Variants in CDIN1 observed in about 807,000 individuals in gnomAD.
The protein encoded by CDIN1 is CDAN1-interacting nuclease 1.
In CDIN1, 33 loss-of-function variants were observed where a neutral mutation model predicts 45.3. The observed-to-expected ratio is 0.73, with a 90% CI of 0.55 to 0.97. CDIN1 has a LOEUF of 0.97. CDIN1 is among the 50% of genes least tolerant of loss of function. The pLI is 0.00. For missense variants in CDIN1, 303 were observed against 339.4 expected (o/e 0.89, Z 0.84); for synonymous variants, 118 against 124.4 (o/e 0.95, Z 0.34).
At chr15:36,628,663 G>C (rs933492407) in intron 1 of CDIN1, among the ~76,000 whole-genome samples, 1 of 152,108 alleles carries the variant, frequency 6.6e-6, no homozygotes, top group African/African-American at 2.4e-5. Flanking sequence ...GGGGATGCTG[G>C]GATGGGGCAA....
intron 10 of CDIN1, among the ~76,000 whole-genome samples, chr15:36,785,411 C>CGGTT (rs770968450): frequency 7.9e-5 from 12 of 151,892 alleles, no homozygotes; most frequent in Admixed American, 5.9e-4. Flanking sequence ...AGTTGAAAAG[C>CGGTT]GGTTGGATAA....
chr15:36,580,473 G>T (rs1325646085), intron 1 of CDIN1, among the ~76,000 whole-genome samples: 1 of 152,208 alleles, frequency 6.6e-6, no homozygotes, highest in Non-Finnish European at 1.5e-5. Context: ...TCCAATCAGA[G>T]AGCAGGGTAC....
At chr15:36,669,029 A>C (rs1047138627) in intron 5 of CDIN1, 2 of 152,014 alleles carry the variant, frequency 1.3e-5, no homozygotes, top group African/African-American at 4.8e-5. Flanking sequence ...GGTACTCTTG[A>C]ATTGTGAATT....
In CDIN1 at chr15:36,810,033, GGA is replaced by G. The variant is rs2141164965; in HGVS notation, c.*1581_*1582del. On this transcript the variant is annotated 3_prime_UTR_variant, in exon 11 of 11. Transcript: ENST00000566621. The stretch of plus-strand genomic sequence containing the variant: ...ATTTGAAACCACTACTGTATTGCCT[GGA>G]TACACACACACACACACACACACAC... The G allele has an allele frequency of 2.4e-5, 1 of 41,428 alleles. No homozygotes were observed. The highest frequency in any genetic ancestry group is 4.8e-5 in the African/African-American group (1 of 20,966). The allele number at this position is 41,428 out of a possible 1,614,324, so 2.6% of individuals were successfully genotyped here.
chr15:36,727,354 A>G (rs1433331195), intron 10 of CDIN1, among the ~76,000 whole-genome samples: 1 of 149,196 alleles, frequency 6.7e-6, no homozygotes, highest in East Asian at 2.0e-4. Flanking sequence ...AAAAAAAAAA[A>G]GAAAAAAGTA....
intron 5 of CDIN1, among the ~76,000 whole-genome samples, chr15:36,682,268 G>T (rs188611185): frequency 6.6e-6 from 1 of 152,266 alleles, no homozygotes; most frequent in Non-Finnish European, 1.5e-5. Flanking sequence ...GACACAGGAA[G>T]AGCCAAGGTT....
chr15:36,692,203 C>T (rs745364882), intron 7 of CDIN1, 28 bp downstream of exon 7: 20 of 1,606,144 alleles, frequency 1.2e-5, no homozygotes, highest in South Asian at 2.2e-5. Flanking sequence ...ATTTTAGGTG[C>T]GCAATTGACG....
At chr15:36,731,563 CAA>C (rs1391840940) in intron 10 of CDIN1, among the ~76,000 whole-genome samples, 2 of 152,096 alleles carry the variant, frequency 1.3e-5, no homozygotes, top group East Asian at 1.9e-4. Context: ...GAGATATGTT[CAA>C]GTTTCATTTT....
intron 10 of CDIN1, among the ~76,000 whole-genome samples, chr15:36,800,909 G>GTGTATGTATATATATA (rs1156514805): frequency 4.5e-5 from 1 of 22,374 alleles, no homozygotes; most frequent in Non-Finnish European, 1.2e-4. Context: ...GTGTGTGTGT[G>GTGTATGTATATATATA]TATATATATA....
At chr15:36,672,099 G>A (rs1341144239) in intron 5 of CDIN1, among the ~76,000 whole-genome samples, 1 of 152,016 alleles carries the variant, frequency 6.6e-6, no homozygotes, top group Non-Finnish European at 1.5e-5. Flanking sequence ...GGCATAAAAA[G>A]TGGAATGTTA....
intron 10 of CDIN1, among the ~76,000 whole-genome samples, chr15:36,782,643 T>C (rs563461096): frequency 1.3e-5 from 2 of 152,270 alleles, no homozygotes; most frequent in East Asian, 3.9e-4. Flanking sequence ...TCATGAGGGA[T>C]TTCTGAATGT....
At chr15:36,794,518 A>ATACTT (rs2054739294) in intron 10 of CDIN1, among the ~76,000 whole-genome samples, 1 of 151,842 alleles carries the variant, frequency 6.6e-6, no homozygotes, top group Admixed American at 6.6e-5. Flanking sequence ...ACCCCTTTAG[A>ATACTT]TACTTTATTT....
intron 1 of CDIN1, among the ~76,000 whole-genome samples, chr15:36,609,952 T>A (rs185796286): frequency 1.3e-5 from 2 of 152,330 alleles, no homozygotes; most frequent in East Asian, 3.9e-4. Context: ...AGAGAAAAGA[T>A]GAGAGCTTCT....
At chr15:36,803,672 T>G (rs2055124907) in intron 10 of CDIN1, among the ~76,000 whole-genome samples, 2 of 152,236 alleles carry the variant, frequency 1.3e-5, no homozygotes, top group Non-Finnish European at 2.9e-5. Context: ...AGCATTGTCC[T>G]AAGTCTGCAC....
At chr15:36,680,700 A>G (rs1020232679) in intron 5 of CDIN1, among the ~76,000 whole-genome samples, 1 of 152,156 alleles carries the variant, frequency 6.6e-6, no homozygotes, top group Non-Finnish European at 1.5e-5. Flanking sequence ...CAAACCATAT[A>G]AAAAGGACTA....
At chr15:36,765,315 C>G (rs1243892110) in intron 10 of CDIN1, among the ~76,000 whole-genome samples, 1 of 152,058 alleles carries the variant, frequency 6.6e-6, no homozygotes, top group African/African-American at 2.4e-5. Context: ...CTCGGCCTCC[C>G]AAAGTGCTGG....
At chr15:36,662,854 G>GT (rs34007525) in intron 5 of CDIN1, among the ~76,000 whole-genome samples, 109,950 of 122,926 alleles carry the variant, frequency 0.89, 49,164 homozygotes, top group East Asian at 0.95. Context: ...TCAGATTTTA[G>GT]TTTTTTTTTT....
intron 10 of CDIN1, among the ~76,000 whole-genome samples, chr15:36,771,518 ATAGCTC>A (rs1227252437): frequency 7.9e-5 from 12 of 152,238 alleles, no homozygotes. Flanking sequence ...GCTGGAAACC[ATAGCTC>A]TAGAAGGAGG....
intron 1 of CDIN1, among the ~76,000 whole-genome samples, chr15:36,629,820 C>CTTTTTTTTTTTTTTTTTTTTTTT (rs2039607786): frequency 6.6e-6 from 1 of 151,984 alleles, no homozygotes; most frequent in African/African-American, 2.4e-5. Context: ...TGTCTATTTT[C>CTTTTTTTTTTTTTTTTTTTTTTT]TTGTGATAAC....
Sources: allele counts gnomAD v4.1 joint callset (sites outside exome capture counted in the v4.1 genomes callset), GRCh38; gene constraint gnomAD v4.1.1; transcripts MANE v1.5; gene names NCBI Gene and HGNC (gene_info 2026-07-23, HGNC 2026-07-21).